Variants in TASP1 observed in about 807,000 individuals in gnomAD.
The protein encoded by TASP1 is taspase 1.
In TASP1, 16 loss-of-function variants were observed where a neutral mutation model predicts 56.6. The observed-to-expected ratio is 0.28, with a 90% CI of 0.19 to 0.43. The LOEUF is 0.43. TASP1 is among the 20% of genes least tolerant of loss of function. The pLI is 1.00. For missense variants in TASP1, 393 were observed against 511.6 expected (o/e 0.77, Z 2.24); for synonymous variants, 179 against 184.2 (o/e 0.97, Z 0.23).
At chr20:13,173,670 T>C in the TASP1 span, among the ~76,000 whole-genome samples, 3 of 152,222 alleles carry the variant, frequency 2.0e-5, no homozygotes, top group African/African-American at 2.4e-5. Flanking sequence ...ACAGAGGTGA[T>C]AGGTTTCTCA....
the TASP1 span, chr20:13,270,600 C>A: frequency 6.2e-7 from 1 of 1,613,926 alleles, no homozygotes; most frequent in Non-Finnish European, 8.5e-7. Context: ...GGCTGCACAC[C>A]AACCCTTCCC....
At chr20:13,588,321 G>GAAGGGAAAGAA in intron 4 of TASP1, among the ~76,000 whole-genome samples, 1 of 111,630 alleles carries the variant, frequency 9.0e-6, no homozygotes, top group Non-Finnish European at 1.7e-5. Flanking sequence ...GAAAGAAAAG[G>GAAGGGAAAGAA]AAGGAAGGAA....
intron 12 of TASP1, among the ~76,000 whole-genome samples, chr20:13,422,105 C>A (rs1406368576): frequency 6.6e-6 from 1 of 151,902 alleles, no homozygotes; most frequent in East Asian, 1.9e-4. Context: ...GCGCCCACCA[C>A]CACGCCCGGC....
intron 5 of TASP1, among the ~76,000 whole-genome samples, chr20:13,581,353 T>C (rs2047119348): frequency 6.6e-6 from 1 of 152,208 alleles, no homozygotes; most frequent in Non-Finnish European, 1.5e-5. Context: ...ACTATATACA[T>C]GCTCCAGGCA....
chr20:13,297,071 A>C, the TASP1 span, among the ~76,000 whole-genome samples: 1 of 152,148 alleles, frequency 6.6e-6, no homozygotes, highest in African/African-American at 2.4e-5. Context: ...CTGATCAATC[A>C]GTGAGGACAA....
At chr20:13,233,680 G>A in the TASP1 span, among the ~76,000 whole-genome samples, 3 of 151,710 alleles carry the variant, frequency 2.0e-5, no homozygotes, top group African/African-American at 7.3e-5. Context: ...CTGACCTTCT[G>A]GGCACATGGG....
the TASP1 span, among the ~76,000 whole-genome samples, chr20:13,260,861 G>T: frequency 3.9e-5 from 6 of 152,304 alleles, no homozygotes; most frequent in South Asian, 1.2e-3. Context: ...GGTCAGCAGG[G>T]TGGCTCTCAT....
the TASP1 span, chr20:13,279,978 C>A: frequency 1.5e-6 from 2 of 1,368,304 alleles, no homozygotes; most frequent in Admixed American, 2.1e-5. Context: ...CCAAGCAAAA[C>A]CCTGCTTAGA....
chr20:13,458,479 C>T (rs1033341940), intron 11 of TASP1, among the ~76,000 whole-genome samples: 3 of 152,044 alleles, frequency 2.0e-5, no homozygotes, highest in African/African-American at 7.2e-5. Context: ...TCCCGAGTAG[C>T]TGGGATTACA....
At chr20:13,543,504 G>C (rs1053580691) in intron 8 of TASP1, among the ~76,000 whole-genome samples, 2 of 152,188 alleles carry the variant, frequency 1.3e-5, no homozygotes, top group Non-Finnish European at 2.9e-5. Flanking sequence ...AGAAGGCTGA[G>C]GCAAGAGAAT....
At chr20:13,530,249 G>C (rs769701782) in intron 9 of TASP1, among the ~76,000 whole-genome samples, 4 of 152,144 alleles carry the variant, frequency 2.6e-5, no homozygotes. Context: ...AGATGTTACA[G>C]ACAATATCCC....
intron 5 of TASP1, among the ~76,000 whole-genome samples, chr20:13,586,643 T>C (rs1601347645): frequency 6.6e-6 from 1 of 152,298 alleles, no homozygotes; most frequent in East Asian, 1.9e-4. Flanking sequence ...TAAAAATTCA[T>C]GAAGCTGTAC....
At chr20:13,364,542 CAG>C in the TASP1 span, among the ~76,000 whole-genome samples, 8 of 152,202 alleles carry the variant, frequency 5.3e-5, no homozygotes, top group South Asian at 1.7e-3. Flanking sequence ...CAAAGATAGA[CAG>C]ATAGTCAAGG....
chr20:13,292,900 A>C, the TASP1 span, among the ~76,000 whole-genome samples: 1 of 152,118 alleles, frequency 6.6e-6, no homozygotes, highest in South Asian at 2.1e-4. Context: ...CCCTGCAAAA[A>C]TTTTTTATAC....
the TASP1 span, among the ~76,000 whole-genome samples, chr20:13,181,920 T>C: frequency 1.3e-5 from 2 of 152,172 alleles, no homozygotes; most frequent in African/African-American, 4.8e-5. Flanking sequence ...AATTCAGAGA[T>C]TGCAAACACA....
the TASP1 span, among the ~76,000 whole-genome samples, chr20:13,178,474 G>A: frequency 7.9e-5 from 12 of 152,096 alleles, no homozygotes; most frequent in East Asian, 1.9e-4. Context: ...AGCACTACTC[G>A]CAATAGCCAA....
At chr20:13,472,210 C>A (rs1007346971) in intron 11 of TASP1, among the ~76,000 whole-genome samples, 1 of 150,704 alleles carries the variant, frequency 6.6e-6, no homozygotes, top group Non-Finnish European at 1.5e-5. Context: ...CTTTGACAAA[C>A]CTGACAAAAA....
chr20:13,352,270 C>T, the TASP1 span, among the ~76,000 whole-genome samples: 2 of 151,870 alleles, frequency 1.3e-5, no homozygotes, highest in African/African-American at 2.4e-5. Context: ...GACAACATGG[C>T]GAAACCCCAT....
At chr20:13,502,919 C>T (rs533409194) in intron 10 of TASP1, among the ~76,000 whole-genome samples, 2 of 152,222 alleles carry the variant, frequency 1.3e-5, no homozygotes, top group African/African-American at 2.4e-5. Context: ...ACCCTTATCG[C>T]CCCTCCCCCA....
Sources: gnomAD v4.1 joint callset for allele counts (sites outside exome capture counted in the v4.1 genomes callset) on GRCh38, gnomAD v4.1.1 for gene constraint, MANE v1.5 for transcripts, NCBI Gene and HGNC (gene_info 2026-07-23, HGNC 2026-07-21) for gene names.